Variants in ST3GAL4 observed in about 807,000 individuals in gnomAD.
ST3GAL4 encodes the protein CMP-N-acetylneuraminate-beta-galactosamide-alpha-2,3-sialyltransferase 4.
ST3GAL4 carries 24 observed loss-of-function variants against 42.6 expected under a neutral mutation model. The observed-to-expected ratio is 0.56, with a 90% CI of 0.41 to 0.79. The LOEUF (loss-of-function observed/expected upper bound fraction) is 0.79, where lower values mean the gene tolerates loss of function less well. Among genes scored for constraint, ST3GAL4 ranks in the 30% least tolerant of loss-of-function variants. The pLI is 0.00. For missense variants in ST3GAL4, 311 were observed against 430.8 expected (o/e 0.72, Z 2.46); for synonymous variants, 135 against 163.2 (o/e 0.83, Z 1.32).
intron 1 of ST3GAL4, among the ~76,000 whole-genome samples, chr11:126,380,967 C>T (rs898991240): frequency 2.6e-5 from 4 of 152,204 alleles, no homozygotes; most frequent in African/African-American, 4.8e-5. Context: ...TCTGTACATG[C>T]GTGCCTGGAA....
rs1277718051 is a variant in ST3GAL4, at chr11:126,384,892, C to T, written c.-60-21204C>T. The T allele has an allele frequency of 1.0e-6, 1 of 985,246 alleles. No homozygotes were observed. Among genetic ancestry groups the T allele is most frequent in the Non-Finnish European group, 1.2e-6 (1 of 829,918 alleles). The allele number at this position is 985,246 out of a possible 1,614,324, so 61.0% of individuals were successfully genotyped here. A position where few individuals can be genotyped will look rare whatever the true frequency, so the allele number is the denominator to read the frequency against. ...TGGTGGGGGCAGTGGCTGAGGACCC[C>T]TCTCTTTGCTGGGCTGGGACAGAGC... On this transcript the variant is annotated intron_variant, in intron 1 of 10. Transcript: ENST00000444328. The surrounding 1 kb of genome is among the most constrained non-coding windows in gnomAD (Gnocchi z 5.5).
At position 126,407,779 on chromosome 11, in the gene ST3GAL4, G is replaced by A; in HGVS notation, c.341+145G>A. On this transcript the variant is annotated intron_variant, in intron 6 of 10. Transcript: ENST00000444328. ...CAATTCTCATGGTAGCCTAGCCTGG[G>A]CATCTGGGTGCAGAGTGGGCAGAGG... The A allele has an allele frequency of 2.1e-6, 2 of 930,858 alleles. 1 individual carries two copies. Among genetic ancestry groups the A allele is most frequent in the Non-Finnish European group, 3.2e-6 (2 of 617,598 alleles). The allele number at this position is 930,858 out of a possible 1,614,324, so 57.7% of individuals were successfully genotyped here.
Position 126,391,214 on chromosome 11 carries a change from A to C in ST3GAL4, c.-60-14882A>C, listed in dbSNP as rs1179784095. Among the ~76,000 whole-genome samples, 4 of 150,490 alleles carry C rather than the reference A, an allele frequency of 2.7e-5. No individual in the cohort carries two copies. Among genetic ancestry groups the C allele is most frequent in the Non-Finnish European group, 5.9e-5 (4 of 67,798 alleles). On this transcript the variant is annotated intron_variant, in intron 1 of 10. Transcript: ENST00000444328. The surrounding 1 kb of genome is among the most constrained non-coding windows in gnomAD (Gnocchi z 5.5). Reference sequence around the variant, plus strand: ...ATTTTGGGGATATACCCAGAAGTGCAGTTGCTTGATCCTATCCTGTCCCTT... The same window carrying C: ...ATTTTGGGGATATACCCAGAAGTGCCGTTGCTTGATCCTATCCTGTCCCTT...
rs538299961 is a variant in ST3GAL4 at position 126,375,299 on chromosome 11, C to T, written c.-61+19457C>T. On this transcript the variant is annotated intron_variant, in intron 1 of 10. Transcript: ENST00000444328. Reference sequence around the variant, plus strand: ...TGGGGGCTAGAGACTGTGTCTCGTGCGGAAGCGTGGCTGAGGAGGGGCTTG... The same window carrying T: ...TGGGGGCTAGAGACTGTGTCTCGTGTGGAAGCGTGGCTGAGGAGGGGCTTG... Among the ~76,000 whole-genome samples, 16 of 152,302 alleles carry T rather than the reference C, an allele frequency of 1.1e-4. No individual in the cohort carries two copies. The East Asian group carries it at 1.7e-3, about 17-fold the overall frequency.
chr11:126,389,730 C>T (rs921272969), intron 1 of ST3GAL4, among the ~76,000 whole-genome samples: 3 of 152,106 alleles, frequency 2.0e-5, no homozygotes, highest in Non-Finnish European at 4.4e-5. Context: ...AGCCACCAAG[C>T]CCAGCTAAGT....
At chr11:126,405,243 C>T (rs981115789) in intron 1 of ST3GAL4, among the ~76,000 whole-genome samples, 11 of 152,262 alleles carry the variant, frequency 7.2e-5, no homozygotes, top group African/African-American at 2.7e-4. Context: ...GAAATGTCTT[C>T]TGCAGTGACT....
At chr11:126,408,014 T>A in intron 6 of ST3GAL4, 85 bp from the exon 7 acceptor site, 5 of 1,462,876 alleles carry the variant, frequency 3.4e-6, no homozygotes. Flanking sequence ...TAGGAAGTGG[T>A]CCTGAGATGG....
intron 1 of ST3GAL4, among the ~76,000 whole-genome samples, chr11:126,374,276 AC>A (rs1243678947): frequency 6.6e-6 from 1 of 151,612 alleles, no homozygotes; most frequent in East Asian, 1.9e-4. Flanking sequence ...ACATGGGGAA[AC>A]CCCGTTCCTA....
In ST3GAL4 at chr11:126,391,281, T is replaced by C. The variant is rs1953503682; in HGVS notation, c.-60-14815T>C. Among the ~76,000 whole-genome samples the C allele has an allele frequency of 6.6e-6, 1 of 152,210 alleles. No homozygotes were observed. Among genetic ancestry groups the C allele is most frequent in the East Asian group, 1.9e-4 (1 of 5,182 alleles). ...CCTTGTTTTTTTTTTTTCTTTTTGT[T>C]TTATGGGAGTGCTGATATATTCAAG... is the stretch of plus-strand genomic sequence containing the variant. On this transcript the variant is annotated intron_variant, in intron 1 of 10. Transcript: ENST00000444328. This position sits in a 1 kb window ranked among gnomAD's most constrained non-coding sequence, Gnocchi z 5.5.
At chr11:126,407,490 G>A (rs1052717885) in intron 5 of ST3GAL4, 84 bp from the exon 6 acceptor site, 23 of 1,580,810 alleles carry the variant, frequency 1.5e-5, no homozygotes, top group Admixed American at 1.2e-4. Flanking sequence ...GGCAGCCAGC[G>A]CTCTGAGGAG....
rs1182585496 is a variant in ST3GAL4 at position 126,376,069 on chromosome 11, C to G, written c.-61+20227C>G. Among the ~76,000 whole-genome samples, 1 of 152,092 alleles carries G rather than the reference C, an allele frequency of 6.6e-6. No homozygotes were observed. The highest frequency in any genetic ancestry group is 1.5e-5 in the Non-Finnish European group (1 of 68,016). On this transcript the variant is annotated intron_variant, in intron 1 of 10. Transcript: ENST00000444328. This position sits in a 1 kb window ranked among gnomAD's most constrained non-coding sequence, Gnocchi z 5.1. ...AGAATCTAGAGATATAAAGAAGTTC[C>G]TGACCACAGAGTTCATAGCCTCACA...
intron 1 of ST3GAL4, among the ~76,000 whole-genome samples, chr11:126,402,091 A>AGGGGGGGG (rs146212978): frequency 7.6e-5 from 10 of 131,722 alleles, no homozygotes; most frequent in Admixed American, 1.6e-4. Flanking sequence ...ATTTGGGGGA[A>AGGGGGGGG]AGAGGGGAGG....
At chr11:126,413,836 A>C in intron 10 of ST3GAL4, 125 bp from the exon 11 acceptor site, 1 of 1,406,818 alleles carries the variant, frequency 7.1e-7, no homozygotes, top group Non-Finnish European at 9.8e-7. Flanking sequence ...TCTTCCTTCC[A>C]AGAGCCAGCC....
In ST3GAL4 at chr11:126,383,880, G is replaced by A. The variant is rs1374248481; in HGVS notation, c.-60-22216G>A. Among the ~76,000 whole-genome samples the A allele has an allele frequency of 6.6e-6, 1 of 152,118 alleles. No individual in the cohort carries two copies. Among genetic ancestry groups the A allele is most frequent in the African/African-American group, 2.4e-5 (1 of 41,420 alleles). ...GGCCCACCTTTACTCTGAGGGGGTG[G>A]GCTTCCTGCGGGGGACAAACTGGAG... On this transcript the variant is annotated intron_variant, in intron 1 of 10. Transcript: ENST00000444328. This position sits in a 1 kb window ranked among gnomAD's most constrained non-coding sequence, Gnocchi z 4.5.
In ST3GAL4 at chr11:126,413,924, G is replaced by T. The variant is rs780179847; in HGVS notation, c.916-37G>T. The T allele has an allele frequency of 3.7e-6, 6 of 1,609,654 alleles. No individual in the cohort carries two copies. In the Admixed American group the frequency reaches 6.7e-5, roughly 18 times the overall value. ...TTTCCTGGGGACAGAGAGGTCCCTG[G>T]GAGTCCCTCAGTTTATTTCCTTGGC... On this transcript the variant is annotated intron_variant, in intron 10 of 10. Transcript: ENST00000444328.
chr11:126,379,751 T>C lies in ST3GAL4; in HGVS notation c.-61+23909T>C, dbSNP rs1292052067. ...CCTTGGCCTCCTTAAGTGCTGGGATTACAGGCATGAGCCACCACACCCGGC... is the reference window on the plus strand; with the variant it reads ...CCTTGGCCTCCTTAAGTGCTGGGATCACAGGCATGAGCCACCACACCCGGC... On this transcript the variant is annotated intron_variant, in intron 1 of 10. Transcript: ENST00000444328. This position sits in a 1 kb window ranked among gnomAD's most constrained non-coding sequence, Gnocchi z 4.2. Among the ~76,000 whole-genome samples, 1 of 152,126 alleles carries C rather than the reference T, an allele frequency of 6.6e-6. No individual in the cohort carries two copies. Among genetic ancestry groups the C allele is most frequent in the East Asian group, 1.9e-4 (1 of 5,190 alleles).
Position 126,373,182 on chromosome 11 carries a change from C to G in ST3GAL4, c.-61+17340C>G, listed in dbSNP as rs967509034. 1.3e-5 allele frequency among the ~76,000 whole-genome samples: 2 copies of G among 152,130 alleles called. No individual in the cohort carries two copies. Among genetic ancestry groups the G allele is most frequent in the Admixed American group, 1.3e-4 (2 of 15,276 alleles). The stretch of plus-strand genomic sequence containing the variant: ...GAGAGGGGGTGCTGCTCTGGAGAGG[C>G]GGTGCTGCTTTGGAGATGGATTAAT... On this transcript the variant is annotated intron_variant, in intron 1 of 10. Transcript: ENST00000444328. The surrounding 1 kb of genome is among the most constrained non-coding windows in gnomAD (Gnocchi z 5.5).
chr11:126,358,516 G>A (rs1214727432), intron 1 of ST3GAL4: 4 of 453,830 alleles, frequency 8.8e-6, no homozygotes, highest in South Asian at 3.1e-5. Context: ...AGGGAGGTGT[G>A]TGAATGATGT....
At position 126,411,558 on chromosome 11, in the gene ST3GAL4, A is replaced by AGG. The variant is rs760963157; in HGVS notation, c.772-1945_772-1944dup. The stretch of plus-strand genomic sequence containing the variant: ...GCAGGGTGTGGCTGGTTCTCTGTTT[A>AGG]GGGTGTCACAAGGCTGGACTCGGTG... On this transcript the variant is annotated intron_variant, in intron 9 of 10. Transcript: ENST00000444328. This position sits in a 1 kb window ranked among gnomAD's most constrained non-coding sequence, Gnocchi z 6.3. 1.2e-4 allele frequency among the ~76,000 whole-genome samples: 18 copies of AGG among 152,148 alleles called. No individual in the cohort carries two copies. Among genetic ancestry groups the AGG allele is most frequent in the Non-Finnish European group, 1.5e-5 (1 of 68,022 alleles).
Sources: gnomAD v4.1 joint callset for allele counts (sites outside exome capture counted in the v4.1 genomes callset) on GRCh38, gnomAD v4.1.1 for gene constraint, Gnocchi (gnomAD v3.1) non-coding constraint, MANE v1.5 for transcripts, NCBI Gene and HGNC (gene_info 2026-07-23, HGNC 2026-07-21) for gene names.